Variants in ATP7B observed in about 807,000 individuals in gnomAD.
The protein encoded by ATP7B is ATPase copper transporting beta.
A neutral mutation model predicts 118.9 loss-of-function variants in ATP7B; 113 were observed. The ratio of observed to expected loss-of-function variants is 0.95; its 90% CI spans 0.82 to 1.11. The LOEUF (loss-of-function observed/expected upper bound fraction) is 1.11, where lower values mean the gene tolerates loss of function less well. Ranked by LOEUF, ATP7B falls within the 50% of genes most tolerant of loss-of-function variation. The pLI is 0.00. For synonymous variants in ATP7B, 777 were observed against 727.4 expected, an observed-to-expected ratio of 1.07 and a Z score of -1.10; for missense variants, 1,867 against 1,871.4, an observed-to-expected ratio of 1.00 and a Z score of 0.04.
chr13:51,976,278 ATCT>A (rs1952115059), intron 1 of ATP7B, among the ~76,000 whole-genome samples: 2 of 152,218 alleles, frequency 1.3e-5, no homozygotes, highest in East Asian at 1.9e-4. Context: ...ACATGGAATG[ATCT>A]TCTCCTTTTT....
intron 8 of ATP7B, 200 bp from the exon 9 acceptor site, chr13:51,957,807 C>A: frequency 1.7e-6 from 1 of 600,636 alleles, no homozygotes; most frequent in Admixed American, 2.7e-5. Context: ...ATGCACAGTG[C>A]CTGTGCCACT....
At chr13:51,963,353 A>G (rs1447186104) in intron 5 of ATP7B, among the ~76,000 whole-genome samples, 2 of 152,168 alleles carry the variant, frequency 1.3e-5, no homozygotes, top group East Asian at 3.9e-4. Context: ...CTCTCTGAGC[A>G]TCTTTCCTCA....
chr13:51,974,951 T>G lies in ATP7B; in HGVS notation c.269A>C (p.Lys90Thr). 1 of 1,614,224 alleles carries G rather than the reference T, an allele frequency of 6.2e-7. No individual in the cohort carries two copies. The highest frequency in any genetic ancestry group is 1.1e-5 in the South Asian group (1 of 91,082). The change falls in exon 2 of 21, where the codon AAG becomes ACG. Residue 90 changes from lysine to threonine, a missense_variant. Physicochemically the swap from Lys to Thr is moderately conservative, Grantham distance 78. Coordinates refer to ENST00000242839, the MANE Select transcript of ATP7B (RefSeq NM_000053.4). Reference protein sequence around the residue: ...ISNLKGIISMKVSLEQGSATV... With the variant: ...ISNLKGIISMTVSLEQGSATV... ...GGCACTGCCTTGTTCCAGGGAAACC[T>G]TCATGCTGATGATGCCTTTCAAATT...
At chr13:52,011,942 C>A (rs932446037), upstream of ATP7B, 1 of 296,288 alleles carries the variant, frequency 3.4e-6, no homozygotes, top group Non-Finnish European at 6.5e-6. Flanking sequence ...TGCGCTGCCC[C>A]CTCCTCGGAC....
At chr13:51,961,258 G>A (rs1474682557) in intron 6 of ATP7B, among the ~76,000 whole-genome samples, 1 of 151,656 alleles carries the variant, frequency 6.6e-6, no homozygotes, top group Non-Finnish European at 1.5e-5. Context: ...CTCCGAGACA[G>A]GGAAAGTATT....
intron 9 of ATP7B, among the ~76,000 whole-genome samples, chr13:51,954,129 C>G (rs1958189764): frequency 6.6e-6 from 1 of 152,152 alleles, no homozygotes; most frequent in Non-Finnish European, 1.5e-5. Context: ...ATGCTGAGCC[C>G]TGAAGGCAAG....
Position 51,970,693 on chromosome 13 carries a change from T to C in ATP7B, c.1342A>G (p.Thr448Ala). The C allele has an allele frequency of 6.2e-7, 1 of 1,614,108 alleles. No individual in the cohort carries two copies. The highest frequency in any genetic ancestry group is 8.5e-7 in the Non-Finnish European group (1 of 1,179,980). The change falls in exon 3 of 21, where the codon ACT becomes GCT. Residue 448 changes from threonine to alanine, a missense_variant. Thr to Ala is a moderately conservative substitution (Grantham distance 58). Coordinates refer to ENST00000242839, the MANE Select transcript of ATP7B (RefSeq NM_000053.4). ...ACAGATGTAGGTGTACCATCTGTAG[T>C]TTGCACCATGGAATTCCCAGCACTG... Reference protein sequence around the residue: ...NHSAGNSMVQTTDGTPTSVQE... With the variant: ...NHSAGNSMVQATDGTPTSVQE...
At position 51,946,393 on chromosome 13, in the gene ATP7B, G is replaced by A; in HGVS notation, c.2951C>T (p.Pro984Leu). ...TSITVLCIACPCSLGLATPTA... is the reference protein window; with the variant it reads ...TSITVLCIACLCSLGLATPTA... ...GGGCGTGGCCAGCCCCAGGGAGCAG[G>A]GGCAGGCAATGCACAGCACCGTGAT... is the stretch of plus-strand genomic sequence containing the variant. Residue 984 changes from proline (P) to leucine (L), a missense_variant, in exon 13 of 21, where the codon CCC becomes CTC. By Grantham distance (98) the Pro-to-Leu change is moderately conservative. Transcript: ENST00000242839. 6.2e-7 allele frequency: 1 copy of A among 1,614,050 alleles called. No homozygotes were observed. Among genetic ancestry groups the A allele is most frequent in the Non-Finnish European group, 8.5e-7 (1 of 1,180,052 alleles).
At chr13:51,975,434 G>A (rs957606775) in intron 1 of ATP7B, 1 of 628,008 alleles carries the variant, frequency 1.6e-6, no homozygotes, top group Non-Finnish European at 3.0e-6. Context: ...AGGATTCTGA[G>A]GGAAAGAAGG....
At chr13:51,998,154 C>A (rs555512549) in intron 1 of ATP7B, among the ~76,000 whole-genome samples, 2 of 152,280 alleles carry the variant, frequency 1.3e-5, no homozygotes, top group South Asian at 2.1e-4. Flanking sequence ...TATCTGAATT[C>A]CAGCATCACT....
intron 6 of ATP7B, among the ~76,000 whole-genome samples, chr13:51,961,337 C>G (rs1408276386): frequency 1.3e-5 from 2 of 151,858 alleles, no homozygotes; most frequent in Non-Finnish European, 2.9e-5. Context: ...GAGTAACTGG[C>G]CATCTGAAAT....
At chr13:51,960,089 A>G (rs952894687) in intron 7 of ATP7B, 59 bp downstream of exon 7, 17 of 1,576,312 alleles carry the variant, frequency 1.1e-5, no homozygotes, top group Non-Finnish European at 1.4e-5. Context: ...AGCGGGCAGA[A>G]TATCTGAGGG....
chr13:51,950,259 C>T lies in ATP7B; in HGVS notation c.2575+13G>A, dbSNP rs1957914072. ...GATATCCTCCTGAGGGAACATGAAA[C>T]AAGCCATCTCACCTGTGATGAGGGA... On this transcript the variant is annotated intron_variant, in intron 10 of 20. Transcript: ENST00000242839. The T allele has an allele frequency of 6.2e-7, 1 of 1,614,164 alleles. No individual in the cohort carries two copies. Among genetic ancestry groups the T allele is most frequent in the Non-Finnish European group, 8.5e-7 (1 of 1,180,026 alleles).
intron 17 of ATP7B, 95 bp downstream of exon 17, chr13:51,938,956 A>T (rs1302459259): frequency 1.9e-6 from 3 of 1,571,392 alleles, no homozygotes; most frequent in Non-Finnish European, 1.8e-6. Flanking sequence ...GAGAAAGAGC[A>T]GGAGTACAGC....
chr13:51,957,105 G>T (rs192435548), intron 9 of ATP7B, among the ~76,000 whole-genome samples: 3 of 152,174 alleles, frequency 2.0e-5, no homozygotes, highest in East Asian at 1.9e-4. Context: ...TTAATATCAG[G>T]CAACCTTAAG....
chr13:51,941,263 A>G (rs1957315863), intron 15 of ATP7B, 39 bp from the exon 16 acceptor site: 1 of 1,610,748 alleles, frequency 6.2e-7, no homozygotes, highest in Admixed American at 1.7e-5. Context: ...AAATGGTCCA[A>G]TTTCACTGTG....
In ATP7B at chr13:51,969,811, A is replaced by G. The variant is rs140621675; in HGVS notation, c.1543+681T>C. On this transcript the variant is annotated intron_variant, in intron 3 of 20. Coordinates refer to ENST00000242839, the MANE Select transcript of ATP7B (RefSeq NM_000053.4). ...CTAGAGCTGCAGGAAGCTATAATGC[A>G]TAGTGAACAAGAGGCTGGAAAAACA... is the stretch of plus-strand genomic sequence containing the variant. Among the ~76,000 whole-genome samples the G allele has an allele frequency of 8.7e-3, 1,319 of 152,308 alleles. 21 individuals carry two copies. Among genetic ancestry groups the G allele is most frequent in the African/African-American group, 0.031 (1,274 of 41,564 alleles).
At chr13:51,941,926 T>G (rs746300844) in intron 15 of ATP7B, among the ~76,000 whole-genome samples, 11 of 152,154 alleles carry the variant, frequency 7.2e-5, no homozygotes, top group Admixed American at 1.3e-4. Context: ...ACCTTGAGAA[T>G]AAAAAAGGCC....
rs1204493146 is a variant in ATP7B at position 51,937,662 on chromosome 13, G to A, written c.3717C>T (p.Val1239=). Residue 1239 remains valine (V), a synonymous_variant, in exon 18 of 21, where the codon GTC becomes GTT. Coordinates refer to ENST00000242839, the MANE Select transcript of ATP7B (RefSeq NM_000053.4). Reference sequence around the variant, plus strand: ...TGTGCGAAGGCAGCACCTCTGCAAAGACTTTGTTGATGCCAACCTAAGACA... The same window carrying A: ...TGTGCGAAGGCAGCACCTCTGCAAAAACTTTGTTGATGCCAACCTAAGACA... ...AIATQVGINK[V]FAEVLPSHKV... 2 of 1,614,244 alleles carry A rather than the reference G, an allele frequency of 1.2e-6. No homozygotes were observed. The highest frequency in any genetic ancestry group is 2.2e-5 in the South Asian group (2 of 91,084).
Sources: allele counts gnomAD v4.1 joint callset (sites outside exome capture counted in the v4.1 genomes callset), GRCh38; gene constraint gnomAD v4.1.1; transcripts MANE v1.5; gene names NCBI Gene and HGNC (gene_info 2026-07-23, HGNC 2026-07-21).